The following DUSP16 variants were observed in gnomAD, a reference collection of about 807,000 sequenced individuals.
DUSP16 encodes the protein dual specificity phosphatase 16, also known as dual specificity protein phosphatase 16.
Under a neutral mutation model 58.3 loss-of-function variants are expected in DUSP16, and 21 were observed. The ratio of observed to expected loss-of-function variants is 0.36; its 90% CI spans 0.26 to 0.52. DUSP16 has a LOEUF of 0.52. Ranked by LOEUF, DUSP16 falls within the 20% of genes least tolerant of loss-of-function variation. DUSP16 has a pLI of 0.94. For missense variants in DUSP16, 726 were observed against 819.0 expected, an observed-to-expected ratio of 0.89 and a Z score of 1.39; for synonymous variants, 320 against 323.8, an observed-to-expected ratio of 0.99 and a Z score of 0.12.
intron 1 of DUSP16, 150 bp downstream of exon 1, chr12:12,561,967 G>C (rs1944910658): frequency 6.7e-6 from 1 of 150,296 alleles, no homozygotes; most frequent in Non-Finnish European, 1.5e-5. Flanking sequence ...CGGTACGCCC[G>C]GGAAGGCAGA....
In DUSP16 at chr12:12,474,738, G is replaced by A. The variant is rs1321060426; in HGVS notation, c.*2095C>T. 4 of 152,206 alleles carry A rather than the reference G, an allele frequency of 2.6e-5. No homozygotes were observed. Among genetic ancestry groups the A allele is most frequent in the Non-Finnish European group, 4.4e-5 (3 of 68,042 alleles). 9.4% of individuals were successfully genotyped at this position (152,206 alleles called of 1,614,324 possible). The stretch of plus-strand genomic sequence containing the variant: ...TAAAACCAAGTCCCCCAAACCTCCT[G>A]AAACATCGTTAGCAAGGAGCTACTG... On this transcript the variant is annotated 3_prime_UTR_variant, in exon 7 of 7. Coordinates refer to ENST00000298573, the MANE Select transcript of DUSP16 (RefSeq NM_030640.3).
At position 12,477,803 on chromosome 12, in the gene DUSP16, T is replaced by A. The variant is rs955439629; in HGVS notation, c.1028A>T (p.Asp343Val). The A allele has an allele frequency of 6.2e-7, 1 of 1,613,778 alleles. No homozygotes were observed. The highest frequency in any genetic ancestry group is 8.5e-7 in the Non-Finnish European group (1 of 1,179,944). Residue 343 changes from aspartate (D) to valine (V), a missense_variant, in exon 7 of 7, where the codon GAC becomes GTC. By Grantham distance (152) the Asp-to-Val change is radical. Coordinates refer to ENST00000298573, the MANE Select transcript of DUSP16 (RefSeq NM_030640.3). The surrounding 1 kb of genome is among the most constrained non-coding windows in gnomAD (Gnocchi z 4.1). ...SETPLSPPCA[D>V]SATSEAAGQR... ...TCCTGCTGCCTCTGAGGTAGCAGAG[T>A]CGGCACAGGGTGGACTGAGGGGCGT...
chr12:12,530,451 T>C (rs1431771048), intron 1 of DUSP16, among the ~76,000 whole-genome samples: 1 of 152,238 alleles, frequency 6.6e-6, no homozygotes, highest in Non-Finnish European at 1.5e-5. Flanking sequence ...TCCCATTCTG[T>C]AGGTTGTCTC....
intron 5 of DUSP16, 37 bp downstream of exon 5, chr12:12,486,991 C>G (rs780750813): frequency 6.2e-7 from 1 of 1,609,216 alleles, no homozygotes; most frequent in Non-Finnish European, 8.5e-7. Context: ...ATGAGACGAT[C>G]ACCCACAGGA....
At chr12:12,531,328 T>A (rs1944381083) in intron 1 of DUSP16, among the ~76,000 whole-genome samples, 1 of 152,198 alleles carries the variant, frequency 6.6e-6, no homozygotes. Context: ...TTTAAATCTC[T>A]TAGTACTAAA....
intron 3 of DUSP16, among the ~76,000 whole-genome samples, chr12:12,515,755 T>C (rs766215046): frequency 3.3e-5 from 5 of 152,122 alleles, no homozygotes. Flanking sequence ...TGCCATTACC[T>C]ACCCATTAAT....
Position 12,477,283 on chromosome 12 carries a change from G to A in DUSP16, c.1548C>T (p.Ser516=), listed in dbSNP as rs138874233. 1.8e-4 allele frequency: 285 copies of A among 1,614,252 alleles called. No homozygotes were observed. In the African/African-American group the frequency reaches 3.5e-3, roughly 20 times the overall value. Residue 516 remains serine, a synonymous_variant, in exon 7 of 7, where the codon AGC becomes AGT. Coordinates refer to ENST00000298573, the MANE Select transcript of DUSP16 (RefSeq NM_030640.3). The surrounding 1 kb of genome is among the most constrained non-coding windows in gnomAD (Gnocchi z 4.1). ...GGCTGGTGGAAAGGCCGAAAAGGAA[G>A]CTGGTGTGGTAATTGTCCTCCACGC... is the stretch of plus-strand genomic sequence containing the variant. ...SGSVEDNYHT[S]FLFGLSTSQQ... is the part of the protein sequence containing the mutation.
At chr12:12,556,643 A>G (rs148086384) in intron 1 of DUSP16, among the ~76,000 whole-genome samples, 53 of 152,304 alleles carry the variant, frequency 3.5e-4, no homozygotes, top group Non-Finnish European at 7.1e-4. Context: ...AGAATGCTTC[A>G]GAAGAACAAA....
intron 1 of DUSP16, among the ~76,000 whole-genome samples, chr12:12,557,411 G>A (rs1339099685): frequency 1.3e-5 from 2 of 150,780 alleles, no homozygotes; most frequent in African/African-American, 4.9e-5. Context: ...AAGCCGAGAT[G>A]GCGCCACTGC....
intron 1 of DUSP16, among the ~76,000 whole-genome samples, chr12:12,548,024 A>G (rs4763841): frequency 0.6 from 90,278 of 151,592 alleles, 26,999 homozygotes; most frequent in East Asian, 0.67. Flanking sequence ...AAGCAGTACC[A>G]GTAATAGCAG....
intron 4 of DUSP16, among the ~76,000 whole-genome samples, chr12:12,490,963 A>C (rs1018936001): frequency 2.6e-5 from 4 of 152,200 alleles, no homozygotes; most frequent in African/African-American, 9.6e-5. Flanking sequence ...CTAAAGTTCG[A>C]GAACAAACAC....
At chr12:12,525,491 C>T (rs1339680973) in intron 1 of DUSP16, among the ~76,000 whole-genome samples, 7 of 151,930 alleles carry the variant, frequency 4.6e-5, no homozygotes, top group East Asian at 2.0e-4. Context: ...CTCGAACTCC[C>T]GACCTCAGGT....
At chr12:12,524,079 AAT>A (rs1249263831) in intron 1 of DUSP16, among the ~76,000 whole-genome samples, 1 of 152,234 alleles carries the variant, frequency 6.6e-6, no homozygotes, top group African/African-American at 2.4e-5. Context: ...GCAAAAGTTG[AAT>A]TAGAAAGTTC....
At position 12,530,975 on chromosome 12, in the gene DUSP16, G is replaced by A. The variant is rs567105211; in HGVS notation, c.-365-9512C>T. ...CCTTTACAAGTTAGATTACTATATT[G>A]AAGGGGTTGATAACACTAAAATAAG... On this transcript the variant is annotated intron_variant, in intron 1 of 6. Transcript: ENST00000298573. Among the ~76,000 whole-genome samples, 45 of 152,202 alleles carry A rather than the reference G, an allele frequency of 3.0e-4. 1 individual carries two copies. In the South Asian group the frequency reaches 7.1e-3, roughly 24 times the overall value.
chr12:12,513,178 G>A (rs979700542), intron 3 of DUSP16, among the ~76,000 whole-genome samples: 5 of 152,098 alleles, frequency 3.3e-5, no homozygotes, highest in Non-Finnish European at 5.9e-5. Flanking sequence ...AACATTAATC[G>A]AAGACCTTTG....
chr12:12,557,733 T>C (rs944311771), intron 1 of DUSP16, among the ~76,000 whole-genome samples: 1 of 152,212 alleles, frequency 6.6e-6, no homozygotes, highest in Non-Finnish European at 1.5e-5. Flanking sequence ...ATCACTTTTT[T>C]AATGTACTGT....
chr12:12,523,103 C>T (rs1944258602), intron 1 of DUSP16, among the ~76,000 whole-genome samples: 1 of 152,170 alleles, frequency 6.6e-6, no homozygotes, highest in Non-Finnish European at 1.5e-5. Flanking sequence ...AGCATGGAGA[C>T]AGAAGGTGGA....
Position 12,521,258 on chromosome 12 carries a change from GC to G in DUSP16, c.-161del. On this transcript the variant is annotated 5_prime_UTR_variant, in exon 2 of 7. Coordinates refer to ENST00000298573, the MANE Select transcript of DUSP16 (RefSeq NM_030640.3). ...AGAGTTAAACCCATTTTCAGCAAGA[GC>G]CCTCCAAGTGAATGTCTCTTTCTCT... The G allele has an allele frequency of 1.4e-6, 2 of 1,447,526 alleles. No individual in the cohort carries two copies. Among genetic ancestry groups the G allele is most frequent in the Non-Finnish European group, 1.8e-6 (2 of 1,104,390 alleles). 89.7% of individuals were successfully genotyped at this position (1,447,526 alleles called of 1,614,324 possible). A position where few individuals can be genotyped will look rare whatever the true frequency, so the allele number is the denominator to read the frequency against.
intron 4 of DUSP16, chr12:12,491,581 A>G (rs1943761335): frequency 6.6e-6 from 1 of 152,190 alleles, no homozygotes; most frequent in Non-Finnish European, 1.5e-5. Flanking sequence ...ATAATCTTTA[A>G]GCTTCTAGAG....
Sources: gnomAD v4.1 joint callset for allele counts (sites outside exome capture counted in the v4.1 genomes callset) on GRCh38, gnomAD v4.1.1 for gene constraint, Gnocchi (gnomAD v3.1) non-coding constraint, MANE v1.5 for transcripts, NCBI Gene and HGNC (gene_info 2026-07-23, HGNC 2026-07-21) for gene names.